C2: variants seen among roughly 807,000 people sequenced by gnomAD.
C2 encodes the protein complement C2, also known as C3/C5 convertase.
Under a neutral mutation model 85.2 loss-of-function variants are expected in C2, and 64 were observed. The ratio of observed to expected loss-of-function variants is 0.75; its 90% confidence interval spans 0.61 to 0.92. The LOEUF is 0.92. C2 is among the 40% of genes least tolerant of loss of function. C2 has a pLI of 0.00. For missense variants in C2, 820 were observed against 971.6 expected, an observed-to-expected ratio of 0.84 and a Z score of 2.07; for synonymous variants, 311 against 370.8, an observed-to-expected ratio of 0.84 and a Z score of 1.85.
intron 1 of C2, among the ~76,000 whole-genome samples, chr6:31,902,638 A>G (rs1291266813): frequency 1.3e-5 from 2 of 152,188 alleles, no homozygotes; most frequent in Non-Finnish European, 2.9e-5. Context: ...ACTCTTGTAA[A>G]GCTAGTAACC....
intron 6 of C2, 172 bp downstream of exon 6, chr6:31,934,471 T>G (rs1342425984): frequency 8.1e-7 from 1 of 1,235,990 alleles, no homozygotes; most frequent in East Asian, 2.5e-5. Flanking sequence ...ATCATAATTT[T>G]TATTCCACAA....
In C2 at chr6:31,944,364, G is replaced by A. The variant is rs1771173806; in HGVS notation, c.1902+138G>A. ...CCCAAGCCTCACAAACCTGCTAGGT[G>A]TCCCTGGGTCTGCTTATTCTTTTTT... On this transcript the variant is annotated intron_variant, in intron 15 of 17. Coordinates refer to ENST00000299367, the MANE Select transcript of C2 (RefSeq NM_000063.6). This position sits in a 1 kb window ranked among gnomAD's most constrained non-coding sequence, Gnocchi z 5.1. The A allele has an allele frequency of 1.4e-6, 1 of 708,704 alleles. No individual in the cohort carries two copies. The highest frequency in any genetic ancestry group is 2.6e-6 in the Non-Finnish European group (1 of 390,496). The allele number at this position is 708,704 out of a possible 1,614,324, so 43.9% of individuals were successfully genotyped here.
At chr6:31,909,539 C>T (rs1281552121) in intron 1 of C2, among the ~76,000 whole-genome samples, 1 of 151,854 alleles carries the variant, frequency 6.6e-6, no homozygotes, top group Non-Finnish European at 1.5e-5. Context: ...GATCCGCCTG[C>T]CTTGGCCTCC....
In C2 at chr6:31,935,855, T is replaced by C. The variant is rs1283503580; in HGVS notation, c.850-68T>C. 1.3e-6 allele frequency: 2 copies of C among 1,576,676 alleles called. No individual in the cohort carries two copies. The highest frequency in any genetic ancestry group is 2.7e-5 in the African/African-American group (2 of 74,182). On this transcript the variant is annotated intron_variant, in intron 6 of 17. Coordinates refer to ENST00000299367, the MANE Select transcript of C2 (RefSeq NM_000063.6). This position sits in a 1 kb window ranked among gnomAD's most constrained non-coding sequence, Gnocchi z 4.3. The stretch of plus-strand genomic sequence containing the variant: ...TCTCTGCCTCCTCCAGGGCCCTTTG[T>C]TTGCTCTCTTACCATCTCCCCTTTG...
At chr6:31,931,886 C>T (rs1290769927) in intron 3 of C2, among the ~76,000 whole-genome samples, 5 of 148,490 alleles carry the variant, frequency 3.4e-5, no homozygotes, top group East Asian at 2.1e-4. Flanking sequence ...GCTGGCCGGG[C>T]GGGGGGCTGA....
In C2 at chr6:31,927,871, G is replaced by T; in HGVS notation, c.46+73G>T. Reference sequence around the variant, plus strand: ...GTGCTCCCAGCTTGAATTCCCATGTGTGAAACAGTCTCTTTTGCTTTCCTT... The same window carrying T: ...GTGCTCCCAGCTTGAATTCCCATGTTTGAAACAGTCTCTTTTGCTTTCCTT... On this transcript the variant is annotated intron_variant, in intron 1 of 17. Coordinates refer to ENST00000299367, the MANE Select transcript of C2 (RefSeq NM_000063.6). The surrounding 1 kb of genome is among the most constrained non-coding windows in gnomAD (Gnocchi z 4.7). 6.3e-7 allele frequency: 1 copy of T among 1,587,756 alleles called. No homozygotes were observed. Among genetic ancestry groups the T allele is most frequent in the Non-Finnish European group, 8.7e-7 (1 of 1,155,978 alleles).
At chr6:31,923,898 C>T (rs1379411159), upstream of C2, among the ~76,000 whole-genome samples, 1 of 151,732 alleles carries the variant, frequency 6.6e-6, no homozygotes, top group Non-Finnish European at 1.5e-5. Context: ...CTCCCGGGTT[C>T]CTGCCATTCT....
At chr6:31,899,723 T>C (rs1767048432), upstream of C2, 1 of 592,968 alleles carries the variant, frequency 1.7e-6, no homozygotes, top group South Asian at 2.6e-5. Flanking sequence ...CAAGAACCCT[T>C]TTCCCAGCTC....
At chr6:31,932,409 GC>G in intron 3 of C2, 1 of 295,432 alleles carries the variant, frequency 3.4e-6, no homozygotes, top group Non-Finnish European at 6.8e-6. Context: ...TGGAGCGGTT[GC>G]CAGGCAGAGG....
At chr6:31,901,280 C>T (rs537936342) in intron 1 of C2, 2 of 1,612,036 alleles carry the variant, frequency 1.2e-6, no homozygotes, top group South Asian at 2.2e-5. Flanking sequence ...CAGCTGGAAG[C>T]GCAGGACTTC....
intron 1 of C2, among the ~76,000 whole-genome samples, chr6:31,911,632 T>C (rs1768105280): frequency 6.6e-6 from 1 of 151,746 alleles, no homozygotes; most frequent in Non-Finnish European, 1.5e-5. Context: ...TTCTTTCTTT[T>C]TTTTTTTTTC....
At chr6:31,925,588 C>T (rs893072349), upstream of C2, among the ~76,000 whole-genome samples, 6 of 152,114 alleles carry the variant, frequency 3.9e-5, no homozygotes, top group Non-Finnish European at 5.9e-5. Context: ...CCACTGTGCC[C>T]GGCTGGTACT....
chr6:31,936,583 C>T (rs1003012053), intron 7 of C2: 1 of 163,618 alleles, frequency 6.1e-6, no homozygotes, highest in African/African-American at 2.4e-5. Context: ...TCTTGGCTCA[C>T]TGCAACCTCT....
At position 31,939,268 on chromosome 6, in the gene C2, T is replaced by C; in HGVS notation, c.1167T>C (p.Val389=). 6.2e-7 allele frequency: 1 copy of C among 1,612,694 alleles called. No homozygotes were observed. Among genetic ancestry groups the C allele is most frequent in the Non-Finnish European group, 8.5e-7 (1 of 1,179,910 alleles). The change falls in exon 9 of 18, where the codon GTT becomes GTC. Residue 389 remains valine, a synonymous_variant. Transcript: ENST00000299367. ...TGGGTGGCTCTCCCAAGACAGCTGT[T>C]GACCATATCAGAGAGATCCTGAACA... ...SNMGGSPKTA[V]DHIREILNIN... is the part of the protein sequence containing the mutation.
At chr6:31,915,879 G>A (rs963817425), upstream of C2, among the ~76,000 whole-genome samples, 2 of 152,226 alleles carry the variant, frequency 1.3e-5, no homozygotes, top group Non-Finnish European at 2.9e-5. Context: ...AATTCATGAA[G>A]AGCCTCAATG....
rs1346981471 is a variant in C2 at position 31,943,611 on chromosome 6, C to T, written c.1568-33C>T. On this transcript the variant is annotated intron_variant, in intron 12 of 17. Transcript: ENST00000299367. This position sits in a 1 kb window ranked among gnomAD's most constrained non-coding sequence, Gnocchi z 6.4. The stretch of plus-strand genomic sequence containing the variant: ...CCAGCCTCTGGCCCCTGCAGGAGCC[C>T]TGGTCTAGCCTAATCTAGTGTATCA... 6.8e-6 allele frequency: 11 copies of T among 1,612,298 alleles called. No homozygotes were observed. The highest frequency in any genetic ancestry group is 9.3e-6 in the Non-Finnish European group (11 of 1,179,360).
upstream of C2, among the ~76,000 whole-genome samples, chr6:31,916,494 G>A (rs886642049): frequency 1.3e-5 from 2 of 150,850 alleles, no homozygotes; most frequent in Admixed American, 6.6e-5. Context: ...GGGAGGCGGA[G>A]GTTGCGGTGA....
rs1771342360 is a variant in C2, at chr6:31,945,598, A to C, written c.*241A>C. ...TGTCCCCAGATTCCTTCCCTGGTTG[A>C]CTTGACTCATGCTTGTTTCACTTTC... On this transcript the variant is annotated 3_prime_UTR_variant, in exon 18 of 18. Transcript: ENST00000299367. The surrounding 1 kb of genome is among the most constrained non-coding windows in gnomAD (Gnocchi z 5.3). The C allele has an allele frequency of 1.7e-6, 1 of 591,014 alleles. No individual in the cohort carries two copies. The highest frequency in any genetic ancestry group is 1.9e-5 in the African/African-American group (1 of 53,822). 36.6% of individuals were successfully genotyped at this position (591,014 alleles called of 1,614,324 possible).
Position 31,944,282 on chromosome 6 carries a change from C to A in C2, c.1902+56C>A. On this transcript the variant is annotated intron_variant, in intron 15 of 17. Transcript: ENST00000299367. This position sits in a 1 kb window ranked among gnomAD's most constrained non-coding sequence, Gnocchi z 5.1. ...CCCCCTGTGACAGCTCCCAGAATGT[C>A]TCTCTTCCTTCTCCAGGTCTGGCTG... The A allele has an allele frequency of 8.2e-7, 1 of 1,218,160 alleles. No individual in the cohort carries two copies. Among genetic ancestry groups the A allele is most frequent in the Non-Finnish European group, 1.2e-6 (1 of 820,820 alleles). The allele number at this position is 1,218,160 out of a possible 1,614,324, so 75.5% of individuals were successfully genotyped here.
Sources: gnomAD v4.1 joint callset for allele counts (sites outside exome capture counted in the v4.1 genomes callset) on GRCh38, gnomAD v4.1.1 for gene constraint, Gnocchi (gnomAD v3.1) non-coding constraint, MANE v1.5 for transcripts, NCBI Gene and HGNC (gene_info 2026-07-23, HGNC 2026-07-21) for gene names.